ABCA9: variants seen among roughly 807,000 people sequenced by gnomAD.
The protein encoded by ABCA9 is ATP binding cassette subfamily A member 9, also known as ATP-binding cassette sub-family A member 9.
Under a neutral mutation model 205.3 loss-of-function variants are expected in ABCA9, and 183 were observed. The ratio of observed to expected loss-of-function variants is 0.89; its 90% CI spans 0.79 to 1.01. The LOEUF (loss-of-function observed/expected upper bound fraction) is 1.01, where lower values mean the gene tolerates loss of function less well. Ranked by LOEUF, ABCA9 falls within the 50% of genes least tolerant of loss-of-function variation. ABCA9 has a pLI of 0.00. For synonymous variants in ABCA9, 651 were observed against 683.3 expected (o/e 0.95, Z 0.74); for missense variants, 1,805 against 1,912.4 (o/e 0.94, Z 1.05).
the ABCA9 span, among the ~76,000 whole-genome samples, chr17:69,070,464 G>A: frequency 6.6e-6 from 1 of 152,072 alleles, no homozygotes; most frequent in Non-Finnish European, 1.5e-5. Context: ...AGGGTGGGCC[G>A]TTGCCTCACC....
In ABCA9 at chr17:68,989,874, A is replaced by T. The variant is rs145239580; in HGVS notation, c.3894T>A (p.Asn1298Lys). ...LRKEYAGKKK[N>K]CFSKRKKKIA... The stretch of plus-strand genomic sequence containing the variant: ...TTTTTTTCTTCCTTTTAGAAAAGCA[A>T]TTTTTCTTTTTGCCTGCATATTCCT... Residue 1298 changes from asparagine to lysine, a missense_variant, in exon 30 of 39, where the codon AAT becomes AAA. Transcript: ENST00000340001. 6.2e-7 allele frequency: 1 copy of T among 1,613,400 alleles called. No homozygotes were observed.
chr17:69,034,378 T>C (rs1378051312), intron 8 of ABCA9, among the ~76,000 whole-genome samples: 1 of 152,100 alleles, frequency 6.6e-6, no homozygotes. Flanking sequence ...CACTCCACCA[T>C]GACTGGCTAA....
At chr17:69,003,879 C>T (rs560236233) in intron 25 of ABCA9, among the ~76,000 whole-genome samples, 32 of 152,262 alleles carry the variant, frequency 2.1e-4, no homozygotes, top group Middle Eastern at 3.4e-3. Flanking sequence ...CATCTTCCAT[C>T]GCTGATACCC....
In ABCA9 at chr17:69,035,759, C is replaced by T. The variant is rs781625719; in HGVS notation, c.843G>A (p.Met281Ile). ...TTACAATAAGAGCCATTAAAGTGGCCATGATAAGGATGAAGCCAGCATACA... is the reference window on the plus strand; with the variant it reads ...TTACAATAAGAGCCATTAAAGTGGCTATGATAAGGATGAAGCCAGCATACA... ...GLMYAGFILI[M>I]ATLMALIVKS... Residue 281 changes from methionine (M) to isoleucine (I), a missense_variant, in exon 7 of 39, where the codon ATG becomes ATA. Physicochemically the swap from Met to Ile is conservative, Grantham distance 10 (BLOSUM62 1). Coordinates refer to ENST00000340001, the MANE Select transcript of ABCA9 (RefSeq NM_080283.4). The T allele has an allele frequency of 3.7e-6, 6 of 1,613,556 alleles. No homozygotes were observed. The highest frequency in any genetic ancestry group is 1.6e-4 in the Middle Eastern group (1 of 6,062).
intron 35 of ABCA9, 63 bp downstream of exon 35, chr17:68,983,993 G>A: frequency 1.2e-6 from 2 of 1,608,354 alleles, no homozygotes; most frequent in South Asian, 2.2e-5. Flanking sequence ...CTGGTGCAGG[G>A]AAATAAACTT....
intron 37 of ABCA9, among the ~76,000 whole-genome samples, chr17:68,979,996 C>G (rs1369870970): frequency 6.6e-6 from 1 of 152,120 alleles, no homozygotes; most frequent in African/African-American, 2.4e-5. Context: ...AGTGAACAGG[C>G]AACCTACAGA....
Position 69,029,193 on chromosome 17 carries a change from A to G in ABCA9, c.1480T>C (p.Cys494Arg), listed in dbSNP as rs201884899. Reference sequence around the variant, plus strand: ...CCTTTCAAAGCTTCTACTCTCTCACACTTCCCTGCATATTCTTTTTTAAGA... The same window carrying G: ...CCTTTCAAAGCTTCTACTCTCTCACGCTTCCCTGCATATTCTTTTTTAAGA... ...KNLKKEYAGK[C>R]ERVEALKGVV... Residue 494 changes from cysteine (C) to arginine (R), a missense_variant, in exon 11 of 39, where the codon TGT becomes CGT. Physicochemically the swap from Cys to Arg is radical, Grantham distance 180. Transcript: ENST00000340001. 150 of 1,560,396 alleles carry G rather than the reference A, an allele frequency of 9.6e-5. 1 individual carries two copies. Among genetic ancestry groups the G allele is most frequent in the Non-Finnish European group, 5.4e-5 (62 of 1,142,354 alleles).
intron 18 of ABCA9, chr17:69,020,807 C>T (rs999616399): frequency 4.0e-5 from 19 of 476,492 alleles, no homozygotes; most frequent in Admixed American, 1.9e-4. Context: ...TGATTTTAAA[C>T]GTCCTCTGTC....
At chr17:69,050,340 A>G (rs2071860341) in intron 2 of ABCA9, among the ~76,000 whole-genome samples, 1 of 63,164 alleles carries the variant, frequency 1.6e-5, no homozygotes, top group African/African-American at 4.2e-5. Flanking sequence ...ACACACACAC[A>G]CGAACACACA....
chr17:69,046,599 T>C (rs732010), intron 3 of ABCA9, among the ~76,000 whole-genome samples: 131,994 of 151,590 alleles, frequency 0.87, 58,407 homozygotes, highest in East Asian at 1. Flanking sequence ...TAATATTTTC[T>C]ATTATCTATT....
intron 1 of ABCA9, among the ~76,000 whole-genome samples, chr17:69,055,670 G>A (rs2072047562): frequency 6.6e-6 from 1 of 152,056 alleles, no homozygotes; most frequent in African/African-American, 2.4e-5. Context: ...TGGGTAAAAT[G>A]AACATTTCTA....
At chr17:69,064,527 C>T (rs911444800), upstream of ABCA9, among the ~76,000 whole-genome samples, 1 of 152,162 alleles carries the variant, frequency 6.6e-6, no homozygotes, top group African/African-American at 2.4e-5. Flanking sequence ...AATGATTTAC[C>T]CAGGAAGCTT....
In ABCA9 at chr17:69,049,196, A is replaced by T; in HGVS notation, c.304+87T>A. On this transcript the variant is annotated intron_variant, in intron 3 of 38. Coordinates refer to ENST00000340001, the MANE Select transcript of ABCA9 (RefSeq NM_080283.4). The stretch of plus-strand genomic sequence containing the variant: ...GTTAATAAACTCTAGAAACTTGAAC[A>T]TTCAACATAATTTATGAAGGAAATC... The T allele has an allele frequency of 3.0e-6, 4 of 1,337,880 alleles. No homozygotes were observed. In the South Asian group the frequency reaches 5.9e-5, roughly 20 times the overall value. 82.9% of individuals were successfully genotyped at this position (1,337,880 alleles called of 1,614,324 possible).
At position 69,027,096 on chromosome 17, in the gene ABCA9, G is replaced by A. The variant is rs749061966; in HGVS notation, c.1930C>T (p.Pro644Ser). ...GDPQVLLLDEPTAGLDPLSRH... is the reference protein window; with the variant it reads ...GDPQVLLLDESTAGLDPLSRH... ...GAAAGAGGATCCAATCCAGCAGTCG[G>A]TTCATCCAATAGCAAAACCTGGACA... Residue 644 changes from proline (P) to serine (S), a missense_variant, in exon 15 of 39, where the codon CCG (proline) becomes TCG (serine). Transcript: ENST00000340001. The A allele has an allele frequency of 1.2e-6, 2 of 1,614,016 alleles. No homozygotes were observed. The highest frequency in any genetic ancestry group is 2.2e-5 in the South Asian group (2 of 91,072).
At chr17:68,984,235 TA>T (rs1489565147) in intron 34 of ABCA9, 60 bp from the exon 35 acceptor site, 2 of 1,580,240 alleles carry the variant, frequency 1.3e-6, no homozygotes, top group Admixed American at 1.9e-5. Flanking sequence ...TTTGGAATTT[TA>T]AAAAGAAGTT....
At chr17:69,070,879 A>T in the ABCA9 span, among the ~76,000 whole-genome samples, 1 of 152,170 alleles carries the variant, frequency 6.6e-6, no homozygotes, top group Non-Finnish European at 1.5e-5. Flanking sequence ...TCTGAAGTCG[A>T]CCTGGGGTGC....
chr17:69,038,104 CCAAA>C (rs1334619526), intron 6 of ABCA9, among the ~76,000 whole-genome samples: 1 of 152,046 alleles, frequency 6.6e-6, no homozygotes, highest in Non-Finnish European at 1.5e-5. Context: ...AAGCTCAGGA[CCAAA>C]CAGATTCACA....
upstream of ABCA9, among the ~76,000 whole-genome samples, chr17:69,062,119 AT>A (rs2072271358): frequency 1.3e-5 from 2 of 152,022 alleles, no homozygotes; most frequent in South Asian, 4.2e-4. Flanking sequence ...GAACTCCTGA[AT>A]CCATGAGACT....
chr17:68,998,996 T>G (rs1265701439), intron 25 of ABCA9, among the ~76,000 whole-genome samples: 1 of 152,088 alleles, frequency 6.6e-6, no homozygotes, highest in East Asian at 1.9e-4. Flanking sequence ...TGGGAAGTCA[T>G]GCAGCACCTT....
Sources: gnomAD v4.1 joint callset for allele counts (sites outside exome capture counted in the v4.1 genomes callset) on GRCh38, gnomAD v4.1.1 for gene constraint, MANE v1.5 for transcripts, NCBI Gene and HGNC (gene_info 2026-07-23, HGNC 2026-07-21) for gene names.